The following PDE1C variants were observed in gnomAD, a reference collection of about 807,000 sequenced individuals.
PDE1C encodes phosphodiesterase 1C.
PDE1C carries 62 observed loss-of-function variants against 93.1 expected under a neutral mutation model. The ratio of observed to expected loss-of-function variants is 0.67; its 90% CI spans 0.54 to 0.82. PDE1C has a LOEUF of 0.82. Among genes scored for constraint, PDE1C ranks in the 40% least tolerant of loss-of-function variants. PDE1C has a pLI of 0.00. For synonymous variants in PDE1C, 325 were observed against 310.1 expected, an observed-to-expected ratio of 1.05 and a Z score of -0.50; for missense variants, 742 against 884.6, an observed-to-expected ratio of 0.84 and a Z score of 2.04.
intron 2 of PDE1C, among the ~76,000 whole-genome samples, chr7:31,891,417 C>A (rs769960263): frequency 3.9e-5 from 6 of 152,068 alleles, no homozygotes; most frequent in Non-Finnish European, 8.8e-5. Flanking sequence ...CTTTCTGCTC[C>A]TTTGAAAGAG....
intron 2 of PDE1C, among the ~76,000 whole-genome samples, chr7:32,191,725 A>T (rs753744252): frequency 6.6e-6 from 1 of 152,180 alleles, no homozygotes; most frequent in Non-Finnish European, 1.5e-5. Flanking sequence ...TTTTTCTGGG[A>T]TAAATGCCCA....
At position 32,381,472 on chromosome 7, in the gene PDE1C, C is replaced by T. The variant is rs568334405; in HGVS notation, c.310+46350G>A. ...TCATCCAGGCCTATGTGAATTTACCCCAACTACTTCTGTGCTCTAACCCCT... is the reference window on the plus strand; with the variant it reads ...TCATCCAGGCCTATGTGAATTTACCTCAACTACTTCTGTGCTCTAACCCCT... On this transcript the variant is annotated intron_variant, in intron 1 of 1. Transcript: ENST00000672256. 3.8e-4 allele frequency among the ~76,000 whole-genome samples: 58 copies of T among 152,232 alleles called. No individual in the cohort carries two copies. The South Asian group carries it at 1.0e-2, about 26-fold the overall frequency.
intron 2 of PDE1C, among the ~76,000 whole-genome samples, chr7:31,932,780 G>T (rs1341476856): frequency 6.6e-6 from 1 of 152,086 alleles, no homozygotes; most frequent in Non-Finnish European, 1.5e-5. Flanking sequence ...GTTTACTGCA[G>T]TGCTATTCAC....
At chr7:31,682,045 T>C in the PDE1C span, among the ~76,000 whole-genome samples, 1 of 152,190 alleles carries the variant, frequency 6.6e-6, no homozygotes, top group East Asian at 1.9e-4. Context: ...TGGGATTAAA[T>C]CTTGTCTCTA....
chr7:31,760,759 T>TACACACACAC (rs10573498), intron 17 of PDE1C, among the ~76,000 whole-genome samples: 86 of 148,690 alleles, frequency 5.8e-4, no homozygotes, highest in South Asian at 1.1e-3. Context: ...CTGCAATGTG[T>TACACACACAC]ACACACACAC....
the PDE1C span, among the ~76,000 whole-genome samples, chr7:31,647,468 C>T: frequency 1.0e-3 from 154 of 150,356 alleles, 1 homozygote; most frequent in South Asian, 2.3e-3. Flanking sequence ...TCGAGAACAG[C>T]CTGGCCAACA....
At chr7:31,703,645 C>G in the PDE1C span, among the ~76,000 whole-genome samples, 20 of 152,306 alleles carry the variant, frequency 1.3e-4, 1 homozygote, top group Middle Eastern at 3.4e-3. Flanking sequence ...GGTAGTTAAG[C>G]TGATAAGGAT....
At chr7:32,308,540 G>C (rs957189632) in intron 1 of PDE1C, among the ~76,000 whole-genome samples, 1 of 152,194 alleles carries the variant, frequency 6.6e-6, no homozygotes, top group African/African-American at 2.4e-5. Context: ...AAAACTTCCA[G>C]AGGAACAATC....
At chr7:31,916,901 A>G (rs1309281107) in intron 2 of PDE1C, among the ~76,000 whole-genome samples, 1 of 152,182 alleles carries the variant, frequency 6.6e-6, no homozygotes, top group African/African-American at 2.4e-5. Context: ...CCACTTGGTC[A>G]ATGAAGTGAA....
chr7:31,849,590 A>C (rs922387232), intron 8 of PDE1C, among the ~76,000 whole-genome samples: 21 of 152,328 alleles, frequency 1.4e-4, no homozygotes, highest in Admixed American at 6.5e-4. Context: ...TGTTGAGTTC[A>C]TTAAATACAT....
chr7:32,194,940 T>C (rs1017959850), intron 2 of PDE1C, among the ~76,000 whole-genome samples: 6 of 152,200 alleles, frequency 3.9e-5, no homozygotes, highest in African/African-American at 1.4e-4. Flanking sequence ...ATTTTCTCAA[T>C]AGTTGTACTA....
In PDE1C at chr7:32,132,796, G is replaced by T. The variant is rs540865214; in HGVS notation, c.308+36989C>A. Among the ~76,000 whole-genome samples the T allele has an allele frequency of 5.9e-5, 9 of 152,270 alleles. No individual in the cohort carries two copies. In the South Asian group the frequency reaches 1.9e-3, roughly 32 times the overall value. ...TATTTTAGTAATCAGATGAAAATGG[G>T]GATGGCTTGGACTAGAGTGGAGAAA... On this transcript the variant is annotated intron_variant, in intron 3 of 18. Transcript: ENST00000396193.
At chr7:31,651,676 G>A in the PDE1C span, among the ~76,000 whole-genome samples, 2 of 152,084 alleles carry the variant, frequency 1.3e-5, no homozygotes, top group Non-Finnish European at 2.9e-5. Flanking sequence ...AAACTGAATA[G>A]TGGTGATGAT....
At chr7:32,182,351 G>A (rs564351670) in intron 2 of PDE1C, among the ~76,000 whole-genome samples, 3 of 152,238 alleles carry the variant, frequency 2.0e-5, no homozygotes, top group Admixed American at 2.0e-4. Flanking sequence ...AACAAACAAA[G>A]AGAATTTTAG....
chr7:31,719,570 C>A, the PDE1C span, among the ~76,000 whole-genome samples: 2 of 152,212 alleles, frequency 1.3e-5, no homozygotes, highest in African/African-American at 4.8e-5. Context: ...TTCCAGGACA[C>A]AAAGATCTTT....
At chr7:31,965,229 C>T (rs751936439) in intron 2 of PDE1C, among the ~76,000 whole-genome samples, 2 of 152,058 alleles carry the variant, frequency 1.3e-5, no homozygotes, top group Non-Finnish European at 2.9e-5. Context: ...AGATGAATGG[C>T]TAACTAGAAT....
rs1361449981 is a variant in PDE1C, at chr7:31,815,655, T to TGGCA, written c.1813+265_1813+268dup. Among the ~76,000 whole-genome samples, 12 of 146,430 alleles carry TGGCA rather than the reference T, an allele frequency of 8.2e-5. No homozygotes were observed. In the East Asian group the frequency reaches 1.6e-3, roughly 19 times the overall value. ...TTGATCATGGTAATTTTCCCCCAGC[T>TGGCA]GGCAGGCAGGCAGGCACTGGCTAGA... On this transcript the variant is annotated intron_variant, in intron 15 of 17. Coordinates refer to ENST00000396191, the MANE Select transcript of PDE1C (RefSeq NM_001191057.4).
Position 32,013,630 on chromosome 7 carries a change from T to C in PDE1C, c.128+37924A>G, listed in dbSNP as rs182524498. On this transcript the variant is annotated intron_variant, in intron 2 of 17. Transcript: ENST00000396191. ...TGGAATGCTGAGAAAGGTAAAAACA[T>C]CTCCAAATAAGGAAAGGAACAGGCT... 2.3e-3 allele frequency among the ~76,000 whole-genome samples: 357 copies of C among 152,216 alleles called. 1 individual carries two copies. The highest frequency in any genetic ancestry group is 8.4e-3 in the African/African-American group (348 of 41,542).
intron 1 of PDE1C, among the ~76,000 whole-genome samples, chr7:32,420,116 T>TAC (rs1562716370): frequency 2.4e-4 from 7 of 29,588 alleles, no homozygotes; most frequent in Non-Finnish European, 4.7e-4. Flanking sequence ...TATATATATA[T>TAC]ATATATATAC....
Sources: gnomAD v4.1 joint callset for allele counts (sites outside exome capture counted in the v4.1 genomes callset) on GRCh38, gnomAD v4.1.1 for gene constraint, MANE v1.5 for transcripts, NCBI Gene and HGNC (gene_info 2026-07-23, HGNC 2026-07-21) for gene names.